Variants in CSMD1 observed in about 807,000 individuals in gnomAD.
The protein encoded by CSMD1 is CUB and sushi domain-containing protein 1.
CSMD1 carries 213 observed loss-of-function variants against 417.5 expected under a neutral mutation model. The observed-to-expected ratio is 0.51, with a 90% CI of 0.46 to 0.57. The LOEUF (loss-of-function observed/expected upper bound fraction) is 0.57, where lower values mean the gene tolerates loss of function less well. Among genes scored for constraint, CSMD1 ranks in the 20% least tolerant of loss-of-function variants. The pLI is 0.00. For synonymous variants in CSMD1, 2,862 were observed against 1,736.8 expected (o/e 1.65, Z -16.11); for missense variants, 6,923 against 4,529.7 (o/e 1.53, Z -15.17).
At chr8:4,602,616 G>C (rs923053017) in intron 2 of CSMD1, among the ~76,000 whole-genome samples, 8 of 152,152 alleles carry the variant, frequency 5.3e-5, no homozygotes, top group South Asian at 2.1e-4. Context: ...AAAATTCAAA[G>C]AAGTTTGAAG....
intron 10 of CSMD1, among the ~76,000 whole-genome samples, chr8:3,502,169 A>C (rs771439278): frequency 5.3e-5 from 8 of 151,502 alleles, no homozygotes; most frequent in Non-Finnish European, 1.2e-4. Context: ...TCGAGACCAT[A>C]CTGGCTAACG....
intron 26 of CSMD1, among the ~76,000 whole-genome samples, chr8:3,264,616 A>C (rs1801301640): frequency 6.6e-6 from 1 of 152,220 alleles, no homozygotes; most frequent in Non-Finnish European, 1.5e-5. Context: ...AAAACGTATA[A>C]ATCGAACTGC....
At chr8:4,748,550 CA>C (rs1273772735) in intron 1 of CSMD1, among the ~76,000 whole-genome samples, 1 of 152,170 alleles carries the variant, frequency 6.6e-6, no homozygotes, top group Admixed American at 6.5e-5. Context: ...TATCAAAGAA[CA>C]GACATCAGGA....
intron 23 of CSMD1, among the ~76,000 whole-genome samples, chr8:3,312,455 C>T (rs1259803193): frequency 6.6e-6 from 1 of 152,114 alleles, no homozygotes; most frequent in African/African-American, 2.4e-5. Context: ...AAAATACATT[C>T]CTCTTTCCTG....
In CSMD1 at chr8:4,172,620, C is replaced by T. The variant is rs141906550; in HGVS notation, c.416-140521G>A. Among the ~76,000 whole-genome samples, 59 of 152,280 alleles carry T rather than the reference C, an allele frequency of 3.9e-4. 2 individuals are homozygous for T. The East Asian group carries it at 9.8e-3, about 25-fold the overall frequency. On this transcript the variant is annotated intron_variant, in intron 3 of 69. Transcript: ENST00000635120. ...TCTAACTAAGCTCATGGAACCCACC[C>T]TCCTGGTATTTATGAACTCCTGCGG...
intron 63 of CSMD1, among the ~76,000 whole-genome samples, chr8:2,957,109 A>C (rs540481978): frequency 6.6e-6 from 1 of 152,174 alleles, no homozygotes; most frequent in African/African-American, 2.4e-5. Flanking sequence ...CTACTCATCC[A>C]TATATTTTTT....
intron 1 of CSMD1, among the ~76,000 whole-genome samples, chr8:4,905,388 TAC>T (rs1426684522): frequency 1.3e-5 from 2 of 152,080 alleles, no homozygotes; most frequent in East Asian, 1.9e-4. Flanking sequence ...TATATATATT[TAC>T]ACAGTGTATA....
At position 3,029,307 on chromosome 8, in the gene CSMD1, C is replaced by T. The variant is rs981552432; in HGVS notation, c.7855+12G>A. The T allele has an allele frequency of 1.3e-6, 2 of 1,593,224 alleles. No individual in the cohort carries two copies. Among genetic ancestry groups the T allele is most frequent in the Non-Finnish European group, 1.7e-6 (2 of 1,169,580 alleles). ...TGCCGTGACTTTCAGGGGTGCCTCCCTCATCACTTACCTCGACAGCTTGGC... is the reference window on the plus strand; with the variant it reads ...TGCCGTGACTTTCAGGGGTGCCTCCTTCATCACTTACCTCGACAGCTTGGC... On this transcript the variant is annotated intron_variant, in intron 51 of 69. Transcript: ENST00000635120.
intron 3 of CSMD1, among the ~76,000 whole-genome samples, chr8:4,072,281 A>G (rs1799599993): frequency 6.6e-6 from 1 of 152,200 alleles, no homozygotes; most frequent in Non-Finnish European, 1.5e-5. Flanking sequence ...CCTGAATTGC[A>G]CTTTTACAAA....
Position 4,311,465 on chromosome 8 carries a change from G to A in CSMD1, c.415+108488C>T, listed in dbSNP as rs1325907973. Among the ~76,000 whole-genome samples, 15 of 152,130 alleles carry A rather than the reference G, an allele frequency of 9.9e-5. 1 individual carries two copies. The highest frequency in any genetic ancestry group is 9.8e-4 in the Admixed American group (15 of 15,262). ...AGTCTGGACATCGTGGCTCACAGCT[G>A]TAATCCCAGCATTTCAGAAGGCCAA... is the stretch of plus-strand genomic sequence containing the variant. On this transcript the variant is annotated intron_variant, in intron 3 of 69. Coordinates refer to ENST00000635120, the MANE Select transcript of CSMD1 (RefSeq NM_033225.6).
intron 3 of CSMD1, among the ~76,000 whole-genome samples, chr8:4,275,568 T>C (rs1796438756): frequency 6.6e-6 from 1 of 152,180 alleles, no homozygotes; most frequent in African/African-American, 2.4e-5. Flanking sequence ...TGAGTGTTCC[T>C]AAAATTGGCA....
intron 41 of CSMD1, among the ~76,000 whole-genome samples, chr8:3,131,001 G>A (rs191088810): frequency 2.0e-3 from 312 of 152,314 alleles, no homozygotes; most frequent in African/African-American, 7.2e-3. Context: ...ATCCGCGATA[G>A]TTTCTTACGG....
intron 3 of CSMD1, among the ~76,000 whole-genome samples, chr8:4,307,389 A>G (rs1798307434): frequency 6.6e-6 from 1 of 151,960 alleles, no homozygotes; most frequent in Admixed American, 6.6e-5. Flanking sequence ...GGCCTCCTGC[A>G]CTCTTTTCTC....
At chr8:3,419,971 T>C (rs1184193770) in intron 12 of CSMD1, among the ~76,000 whole-genome samples, 4 of 152,154 alleles carry the variant, frequency 2.6e-5, no homozygotes, top group Non-Finnish European at 5.9e-5. Flanking sequence ...TTTACCTAAT[T>C]GTGGATAATA....
At chr8:4,358,019 T>C (rs1043657109) in intron 3 of CSMD1, among the ~76,000 whole-genome samples, 4 of 152,214 alleles carry the variant, frequency 2.6e-5, no homozygotes, top group African/African-American at 9.6e-5. Flanking sequence ...ATGGAACTTC[T>C]GTCCTGAGGA....
chr8:3,867,183 G>T (rs75787439), intron 5 of CSMD1, among the ~76,000 whole-genome samples: 1 of 151,986 alleles, frequency 6.6e-6, no homozygotes, highest in Admixed American at 6.5e-5. Context: ...CTTTGGTCTT[G>T]TCAATTGTAT....
chr8:4,498,930 T>C (rs1802113962), intron 2 of CSMD1, among the ~76,000 whole-genome samples: 2 of 152,118 alleles, frequency 1.3e-5, no homozygotes, highest in African/African-American at 4.8e-5. Context: ...CAACATTACA[T>C]ACACATGGCC....
chr8:3,756,990 T>C (rs1204869311), intron 5 of CSMD1, among the ~76,000 whole-genome samples: 1 of 152,114 alleles, frequency 6.6e-6, no homozygotes, highest in East Asian at 1.9e-4. Context: ...TTGTAGAGAC[T>C]GGGGGTCTCA....
intron 23 of CSMD1, among the ~76,000 whole-genome samples, chr8:3,327,410 G>C (rs1481301062): frequency 1.3e-5 from 2 of 152,178 alleles, no homozygotes; most frequent in Non-Finnish European, 2.9e-5. Context: ...TGGGATTACA[G>C]GCATGAGCCA....
Sources: gnomAD v4.1 joint callset for allele counts (sites outside exome capture counted in the v4.1 genomes callset) on GRCh38, gnomAD v4.1.1 for gene constraint, MANE v1.5 for transcripts, NCBI Gene and HGNC (gene_info 2026-07-23, HGNC 2026-07-21) for gene names.